ARHGEF10: variants seen among roughly 807,000 people sequenced by gnomAD.
ARHGEF10 encodes Rho guanine nucleotide exchange factor (GEF) 10.
Under a neutral mutation model 147.4 loss-of-function variants are expected in ARHGEF10, and 140 were observed. The observed-to-expected ratio is 0.95, with a 90% CI of 0.83 to 1.09. The LOEUF is 1.09. ARHGEF10 is among the 50% of genes least tolerant of loss of function. ARHGEF10 has a pLI of 0.00. For synonymous variants in ARHGEF10, 902 were observed against 695.8 expected, an observed-to-expected ratio of 1.30 and a Z score of -4.67; for missense variants, 2,222 against 1,752.7, an observed-to-expected ratio of 1.27 and a Z score of -4.78.
At chr8:1,898,625 C>G in intron 15 of ARHGEF10, 100 bp downstream of exon 15, 2 of 1,180,396 alleles carry the variant, frequency 1.7e-6, no homozygotes, top group Non-Finnish European at 2.5e-6. Flanking sequence ...GGCTGCCCCT[C>G]GGGCCTCCTC....
intron 26 of ARHGEF10, among the ~76,000 whole-genome samples, chr8:1,941,691 C>G (rs958790560): frequency 6.6e-6 from 1 of 152,136 alleles, no homozygotes; most frequent in Non-Finnish European, 1.5e-5. Flanking sequence ...TGGAGGCCCA[C>G]ACTTCCTAAT....
chr8:1,838,250 C>A (rs760334847), intron 1 of ARHGEF10, among the ~76,000 whole-genome samples: 1 of 152,196 alleles, frequency 6.6e-6, no homozygotes, highest in South Asian at 2.1e-4. Flanking sequence ...GTGCCAGCGT[C>A]CCAGGGAAAG....
At position 1,843,379 on chromosome 8, in the gene ARHGEF10, A is replaced by T. The variant is rs899261912; in HGVS notation, c.-21A>T. 17 of 1,612,920 alleles carry T rather than the reference A, an allele frequency of 1.1e-5. No individual in the cohort carries two copies. The highest frequency in any genetic ancestry group is 1.4e-5 in the Non-Finnish European group (16 of 1,179,994). ...AGCTCCTTCCCTTAACAGAGCTGAGAGAGGCATCTGGAGCTGCAGCATGGA... is the reference window on the plus strand; with the variant it reads ...AGCTCCTTCCCTTAACAGAGCTGAGTGAGGCATCTGGAGCTGCAGCATGGA... On this transcript the variant is annotated 5_prime_UTR_variant, in exon 2 of 29. Coordinates refer to ENST00000349830, the MANE Select transcript of ARHGEF10 (RefSeq NM_014629.4).
chr8:1,890,004 GGAGACACTGAGTGCGGTGAGGGGTATT>G (rs2129146965), intron 11 of ARHGEF10, among the ~76,000 whole-genome samples: 1 of 144,886 alleles, frequency 6.9e-6, no homozygotes, highest in Admixed American at 6.8e-5. Context: ...CAATCTGTGA[GGAGACACTGAGTGCGGTGAGGGGTATT>G]GAGACACTGA....
chr8:1,898,606 C>G (rs1473389771), intron 15 of ARHGEF10, 81 bp downstream of exon 15: 12 of 1,397,206 alleles, frequency 8.6e-6, no homozygotes, highest in African/African-American at 1.4e-5. Flanking sequence ...TGTTCCTCCA[C>G]TTTGGAATGG....
intron 1 of ARHGEF10, among the ~76,000 whole-genome samples, chr8:1,839,420 A>G (rs1422275844): frequency 2.4e-4 from 19 of 77,614 alleles, no homozygotes; most frequent in African/African-American, 3.3e-4. Flanking sequence ...TCTGCTGTGG[A>G]AGCTGTCTGG....
intron 3 of ARHGEF10, among the ~76,000 whole-genome samples, 185 bp from the exon 4 acceptor site, chr8:1,859,712 G>T (rs1441921486): frequency 1.3e-5 from 2 of 152,196 alleles, no homozygotes; most frequent in African/African-American, 4.8e-5. Context: ...GTGCCCAGAG[G>T]TGATGCTGGG....
At chr8:1,909,674 G>A (rs990339787) in intron 18 of ARHGEF10, among the ~76,000 whole-genome samples, 1 of 152,196 alleles carries the variant, frequency 6.6e-6, no homozygotes, top group East Asian at 1.9e-4. Flanking sequence ...CTTGTCCCAC[G>A]TGCAGCTGGG....
At position 1,888,367 on chromosome 8, in the gene ARHGEF10, G is replaced by A. The variant is rs1337148399; in HGVS notation, c.1182+2660G>A. Among the ~76,000 whole-genome samples, 2 of 130,272 alleles carry A rather than the reference G, an allele frequency of 1.5e-5. 1 individual carries two copies. The highest frequency in any genetic ancestry group is 5.2e-4 in the South Asian group (2 of 3,882). 85.5% of individuals were successfully genotyped at this position (130,272 alleles called of 152,430 possible). A position where few individuals can be genotyped will look rare whatever the true frequency, so the allele number is the denominator to read the frequency against. On this transcript the variant is annotated intron_variant, in intron 11 of 28. Transcript: ENST00000349830. ...ACACTGAGTGGGGTGAGGGTTGTGA[G>A]GAGATACTGAGGTGATAGTTTTGAG... is the stretch of plus-strand genomic sequence containing the variant.
chr8:1,840,193 G>A (rs1175368625), intron 1 of ARHGEF10, among the ~76,000 whole-genome samples: 4 of 137,508 alleles, frequency 2.9e-5, no homozygotes, highest in Non-Finnish European at 4.6e-5. Context: ...GGACTGTCTG[G>A]TGTGGAAGCT....
At position 1,952,803 on chromosome 8, in the gene ARHGEF10, C is replaced by T; in HGVS notation, c.3496C>T (p.Leu1166=). 6 of 1,613,926 alleles carry T rather than the reference C, an allele frequency of 3.7e-6. No homozygotes were observed. Among genetic ancestry groups the T allele is most frequent in the Non-Finnish European group, 5.1e-6 (6 of 1,180,054 alleles). The change falls in exon 28 of 29, where the codon CTG becomes TTG. Residue 1166 remains leucine (L), a synonymous_variant. Coordinates refer to ENST00000349830, the MANE Select transcript of ARHGEF10 (RefSeq NM_014629.4). ...GVLVALPVPR[L]QGIPKVTGRG... ...CCTCGTGGCCCTGCCGGTCCCACGT[C>T]TGCAAGGGATTCCCAAAGTGACCGG...
At chr8:1,909,904 G>A (rs1162018189) in intron 18 of ARHGEF10, among the ~76,000 whole-genome samples, 1 of 152,182 alleles carries the variant, frequency 6.6e-6, no homozygotes, top group African/African-American at 2.4e-5. Flanking sequence ...GGGCAGCGTT[G>A]TGATGTCTTT....
At chr8:1,842,656 G>A (rs1488299680) in intron 1 of ARHGEF10, among the ~76,000 whole-genome samples, 1 of 152,248 alleles carries the variant, frequency 6.6e-6, no homozygotes. Flanking sequence ...CCTGAGGACA[G>A]CTTATTTCAC....
chr8:1,861,969 T>C (rs1162633899), intron 4 of ARHGEF10, among the ~76,000 whole-genome samples: 2 of 152,258 alleles, frequency 1.3e-5, no homozygotes, highest in Non-Finnish European at 2.9e-5. Context: ...TTTAAAACAA[T>C]TTGCTTATTT....
rs1214541088 is a variant in ARHGEF10, at chr8:1,912,916, G to C, written c.2143+3446G>C. ...CGTGAGCCGTCAGTTGCTCTGGCCTGGTGCAGCGTCTTTGTTGGTGCACTC... is the reference window on the plus strand; with the variant it reads ...CGTGAGCCGTCAGTTGCTCTGGCCTCGTGCAGCGTCTTTGTTGGTGCACTC... On this transcript the variant is annotated intron_variant, in intron 18 of 28. Coordinates refer to ENST00000349830, the MANE Select transcript of ARHGEF10 (RefSeq NM_014629.4). Among the ~76,000 whole-genome samples, 3 of 152,176 alleles carry C rather than the reference G, an allele frequency of 2.0e-5. No homozygotes were observed. The East Asian group carries it at 5.8e-4, about 29-fold the overall frequency.
chr8:1,907,402 C>T (rs1053538309), intron 17 of ARHGEF10, among the ~76,000 whole-genome samples: 2 of 152,172 alleles, frequency 1.3e-5, no homozygotes, highest in South Asian at 4.1e-4. Flanking sequence ...GCTTGTTCCA[C>T]CTGCCCTGGG....
At chr8:1,904,555 G>A (rs1810731269) in intron 16 of ARHGEF10, among the ~76,000 whole-genome samples, 1 of 152,170 alleles carries the variant, frequency 6.6e-6, no homozygotes, top group East Asian at 1.9e-4. Flanking sequence ...TTCTTGACAT[G>A]GTTCATGTTA....
intron 11 of ARHGEF10, among the ~76,000 whole-genome samples, chr8:1,887,200 C>G (rs11779246): frequency 6.6e-6 from 1 of 152,008 alleles, no homozygotes; most frequent in East Asian, 1.9e-4. Flanking sequence ...AGCGATGAAG[C>G]CGAAAACCAA....
Position 1,957,297 on chromosome 8 carries a change from A to G in ARHGEF10, c.*34A>G, listed in dbSNP as rs766451766. On this transcript the variant is annotated 3_prime_UTR_variant, in exon 29 of 29. Coordinates refer to ENST00000349830, the MANE Select transcript of ARHGEF10 (RefSeq NM_014629.4). ...GCCGCCTTCTGCTGTCAGAATTTGC[A>G]ATCAAGGGTGACTTCTCAGCTAATC... 6.3e-7 allele frequency: 1 copy of G among 1,595,580 alleles called. No individual in the cohort carries two copies. Among genetic ancestry groups the G allele is most frequent in the Non-Finnish European group, 8.5e-7 (1 of 1,173,956 alleles).
Sources: gnomAD v4.1 joint callset for allele counts (sites outside exome capture counted in the v4.1 genomes callset) on GRCh38, gnomAD v4.1.1 for gene constraint, MANE v1.5 for transcripts, NCBI Gene and HGNC (gene_info 2026-07-23, HGNC 2026-07-21) for gene names.